Variants in SPPL2B observed in about 807,000 individuals in gnomAD.
SPPL2B encodes signal peptide peptidase-like 2B.
A neutral mutation model predicts 59.7 loss-of-function variants in SPPL2B; 39 were observed. The ratio of observed to expected loss-of-function variants is 0.65; its 90% CI spans 0.51 to 0.85. The LOEUF is 0.85. Among genes scored for constraint, SPPL2B ranks in the 40% least tolerant of loss-of-function variants. The probability of loss-of-function intolerance (pLI) is 0.00; values close to 1 mark genes in which losing one functional copy is unlikely to be tolerated. For missense variants in SPPL2B, 865 were observed against 849.0 expected, an observed-to-expected ratio of 1.02 and a Z score of -0.23; for synonymous variants, 419 against 370.8, an observed-to-expected ratio of 1.13 and a Z score of -1.49.
rs1022721426 is a variant in SPPL2B, at chr19:2,338,925, CAGTT to C, written c.459+85_459+88del. The stretch of plus-strand genomic sequence containing the variant: ...CTGGCTGCCGGGGGGGTTTGTGCCT[CAGTT>C]GGTGGGATCAGGGTGGTGGGTGAGG... On this transcript the variant is annotated intron_variant, in intron 4 of 14. Transcript: ENST00000613503. 1.7e-5 allele frequency: 26 copies of C among 1,515,886 alleles called. No homozygotes were observed. The African/African-American group carries it at 2.3e-4, about 14-fold the overall frequency. 93.9% of individuals were successfully genotyped at this position (1,515,886 alleles called of 1,614,324 possible).
chr19:2,343,578 C>T (rs1969181671), intron 9 of SPPL2B, among the ~76,000 whole-genome samples: 1 of 152,126 alleles, frequency 6.6e-6, no homozygotes, highest in Admixed American at 6.5e-5. Context: ...GAACTGGCCT[C>T]AGGTGGTACC....
intron 14 of SPPL2B, among the ~76,000 whole-genome samples, chr19:2,352,290 C>A (rs1225788140): frequency 6.6e-6 from 1 of 152,148 alleles, no homozygotes; most frequent in Non-Finnish European, 1.5e-5. Flanking sequence ...CTCTTGGAGT[C>A]CATGACCGCC....
At position 2,343,218 on chromosome 19, in the gene SPPL2B, T is replaced by G; in HGVS notation, c.964T>G (p.Trp322Gly). Residue 322 changes from tryptophan to glycine, a missense_variant, in exon 9 of 15, where the codon TGG becomes GGG. Trp to Gly is a radical substitution (Grantham distance 184). Transcript: ENST00000613503. The stretch of plus-strand genomic sequence containing the variant: ...TGCTGCTTTGTCTTGCAGGTGGGCC[T>G]GGGTCCTCCAGGATGCCCTGGGCAT... ...GVFRNEDQWA[W>G]VLQDALGIAF... The G allele has an allele frequency of 6.4e-7, 1 of 1,554,686 alleles. No homozygotes were observed. The highest frequency in any genetic ancestry group is 1.2e-5 in the South Asian group (1 of 84,360).
Position 2,343,890 on chromosome 19 carries a change from C to CG in SPPL2B, c.1039-74dup, listed in dbSNP as rs1276201242. ...TTAAAGGCTGCCTCCCAGGAGGAGG[C>CG]GCTGGGCCTCATGAGATGGGAGTGG... On this transcript the variant is annotated intron_variant, in intron 9 of 14. Coordinates refer to ENST00000613503, the MANE Select transcript of SPPL2B (RefSeq NM_152988.3). The CG allele has an allele frequency of 2.6e-6, 3 of 1,163,052 alleles. No individual in the cohort carries two copies. In the Admixed American group the frequency reaches 6.0e-5, roughly 23 times the overall value. The allele number at this position is 1,163,052 out of a possible 1,614,324, so 72.0% of individuals were successfully genotyped here. A position where few individuals can be genotyped will look rare whatever the true frequency, so the allele number is the denominator to read the frequency against.
chr19:2,341,156 C>A (rs547156567), intron 8 of SPPL2B, 142 bp downstream of exon 8: 3 of 722,616 alleles, frequency 4.2e-6, no homozygotes, highest in African/African-American at 1.7e-5. Context: ...GAGCCCTGGC[C>A]CCGGGCTGCT....
intron 1 of SPPL2B, among the ~76,000 whole-genome samples, chr19:2,329,798 C>T (rs1968184244): frequency 6.6e-6 from 1 of 152,214 alleles, no homozygotes; most frequent in Non-Finnish European, 1.5e-5. Flanking sequence ...ATGAGTGCGC[C>T]GTCCAGTTGT....
At chr19:2,344,801 C>T in intron 12 of SPPL2B, 149 bp downstream of exon 12, 1 of 650,358 alleles carries the variant, frequency 1.5e-6, no homozygotes, top group Non-Finnish European at 2.7e-6. Flanking sequence ...GCCGTTGAGG[C>T]CTGGGTGCCT....
intron 1 of SPPL2B, among the ~76,000 whole-genome samples, chr19:2,331,493 G>A (rs1048265413): frequency 1.4e-4 from 22 of 152,066 alleles, no homozygotes; most frequent in African/African-American, 5.3e-4. Context: ...ATTGTTCCCC[G>A]TTCCTTTAAC....
rs1599235304 is a variant in SPPL2B, at chr19:2,345,023, C to G, written c.1277-230C>G. Among the ~76,000 whole-genome samples, 9 of 152,236 alleles carry G rather than the reference C, an allele frequency of 5.9e-5. 2 individuals are homozygous for G. The highest frequency in any genetic ancestry group is 5.9e-4 in the Admixed American group (9 of 15,294). ...AGCCTCAGTGTCCCCAGGGTCCTGC[C>G]AGGTGTGTCTGCCTGGACTTTGTTC... On this transcript the variant is annotated intron_variant, in intron 12 of 14. Transcript: ENST00000613503.
At chr19:2,343,425 C>T in intron 9 of SPPL2B, 133 bp downstream of exon 9, 1 of 789,700 alleles carries the variant, frequency 1.3e-6, no homozygotes, top group Non-Finnish European at 2.1e-6. Flanking sequence ...GCCGCCTAGG[C>T]CTGTTGTGAA....
chr19:2,346,338 G>T (rs797021988), intron 13 of SPPL2B, among the ~76,000 whole-genome samples: 2 of 152,194 alleles, frequency 1.3e-5, no homozygotes, highest in East Asian at 1.9e-4. Flanking sequence ...CTTTCCCCTC[G>T]CCCGATTTTA....
In SPPL2B at chr19:2,337,641, T is replaced by G; in HGVS notation, c.369+16T>G. The G allele has an allele frequency of 6.5e-7, 1 of 1,532,160 alleles. No individual in the cohort carries two copies. The allele number at this position is 1,532,160 out of a possible 1,614,324, so 94.9% of individuals were successfully genotyped here. On this transcript the variant is annotated intron_variant, in intron 3 of 14. Transcript: ENST00000613503. ...GGAGAGGCTGGTACGGCCCTGTGCG[T>G]CCCCCGCTGGGCCAGCTCTCAGGGG...
chr19:2,338,764 G>T lies in SPPL2B; in HGVS notation c.382G>T (p.Gly128Cys). 1 of 1,613,106 alleles carries T rather than the reference G, an allele frequency of 6.2e-7. No individual in the cohort carries two copies. Among genetic ancestry groups the T allele is most frequent in the Non-Finnish European group, 8.5e-7 (1 of 1,179,466 alleles). Residue 128 changes from glycine (G) to cysteine (C), a missense_variant, in exon 4 of 15, where the codon GGT (glycine) becomes TGT (cysteine). Physicochemically the swap from Gly to Cys is radical, Grantham distance 159. Coordinates refer to ENST00000613503, the MANE Select transcript of SPPL2B (RefSeq NM_152988.3). ...TCTGGGCCCCCAGGTCCCCCCGGGG[G>T]GTAATAAGACGCAGTATGATGAGAT... The part of the protein sequence containing the change: ...VSRERLVPPG[G>C]NKTQYDEIGI...
At position 2,337,546 on chromosome 19, in the gene SPPL2B, A is replaced by G. The variant is rs767674879; in HGVS notation, c.290A>G (p.Asn97Ser). 12 of 1,612,488 alleles carry G rather than the reference A, an allele frequency of 7.4e-6. No individual in the cohort carries two copies. Among genetic ancestry groups the G allele is most frequent in the Non-Finnish European group, 9.3e-6 (11 of 1,179,600 alleles). ...SNQIPLVARG[N>S]CTFYEKVRLA... is the part of the protein sequence containing the mutation. ...CAGATCCCGCTGGTGGCGCGGGGGA[A>G]CTGCACCTTCTATGAGAAAGTGAGG... The change falls in exon 3 of 15, where the codon AAC becomes AGC. Residue 97 changes from asparagine (N) to serine (S), a missense_variant. By Grantham distance (46) the Asn-to-Ser change is conservative. Coordinates refer to ENST00000613503, the MANE Select transcript of SPPL2B (RefSeq NM_152988.3).
At chr19:2,337,207 A>T in intron 2 of SPPL2B, 1 of 433,994 alleles carries the variant, frequency 2.3e-6, no homozygotes. Context: ...ATCAGGGGAC[A>T]GCCATGTCTG....
intron 1 of SPPL2B, among the ~76,000 whole-genome samples, chr19:2,331,008 T>C (rs1328916052): frequency 2.0e-5 from 3 of 152,182 alleles, no homozygotes; most frequent in African/African-American, 4.8e-5. Flanking sequence ...TGAGACTTGC[T>C]CTCAGGGCAG....
intron 2 of SPPL2B, chr19:2,337,227 C>T (rs1273667621): frequency 1.7e-5 from 8 of 473,142 alleles, no homozygotes; most frequent in African/African-American, 4.0e-5. Context: ...GTGAGGACTC[C>T]GGCCCCGCTC....
chr19:2,353,789 G>A lies in SPPL2B; in HGVS notation c.*580G>A, dbSNP rs977539680. The A allele has an allele frequency of 5.8e-5, 9 of 154,474 alleles. No homozygotes were observed. Among genetic ancestry groups the A allele is most frequent in the Non-Finnish European group, 1.0e-4 (7 of 69,670 alleles). 9.6% of individuals were successfully genotyped at this position (154,474 alleles called of 1,614,324 possible). On this transcript the variant is annotated 3_prime_UTR_variant, in exon 15 of 15. Coordinates refer to ENST00000613503, the MANE Select transcript of SPPL2B (RefSeq NM_152988.3). ...GACGCTGGCTGAGACAGGCCCGTGG[G>A]GCGGGGTTTTGGGGCGTGAACAAGG...
intron 8 of SPPL2B, chr19:2,343,000 G>T (rs975525373): frequency 1.6e-5 from 9 of 580,506 alleles, no homozygotes; most frequent in Non-Finnish European, 2.8e-5. Flanking sequence ...GTGGGCCCTG[G>T]GGTGGGGCCT....
Sources: gnomAD v4.1 joint callset for allele counts (sites outside exome capture counted in the v4.1 genomes callset) on GRCh38, gnomAD v4.1.1 for gene constraint, MANE v1.5 for transcripts, NCBI Gene and HGNC (gene_info 2026-07-23, HGNC 2026-07-21) for gene names.